SLC4A7: variants seen among roughly 807,000 people sequenced by gnomAD.
SLC4A7 encodes the protein sodium bicarbonate cotransporter 3.
In SLC4A7, 51 loss-of-function variants were observed where a neutral mutation model predicts 137.6. The ratio of observed to expected loss-of-function variants is 0.37; its 90% confidence interval spans 0.30 to 0.47. The LOEUF is 0.47. SLC4A7 is among the 20% of genes least tolerant of loss of function. The probability of loss-of-function intolerance (pLI) is 1.00; values close to 1 mark genes in which losing one functional copy is unlikely to be tolerated. For synonymous variants in SLC4A7, 542 were observed against 518.6 expected (o/e 1.05, Z -0.61); for missense variants, 1,247 against 1,525.4 (o/e 0.82, Z 3.04).
At chr3:27,455,570 A>ATT (rs780026916) in intron 1 of SLC4A7, among the ~76,000 whole-genome samples, 1,751 of 125,278 alleles carry the variant, frequency 0.014, 24 homozygotes, top group African/African-American at 0.035. Flanking sequence ...GCATAACTAA[A>ATT]TTTTTTTTTT....
chr3:27,414,336 A>G (rs1368893095), intron 11 of SLC4A7, among the ~76,000 whole-genome samples: 1 of 152,060 alleles, frequency 6.6e-6, no homozygotes, highest in African/African-American at 2.4e-5. Flanking sequence ...AGTTGGTACC[A>G]ACTCCCATGC....
At chr3:27,402,180 C>G (rs976984953) in intron 15 of SLC4A7, among the ~76,000 whole-genome samples, 13 of 152,164 alleles carry the variant, frequency 8.5e-5, no homozygotes, top group African/African-American at 3.1e-4. Context: ...ATATTTACGC[C>G]AAGCGTGACT....
At position 27,431,174 on chromosome 3, in the gene SLC4A7, A is replaced by C. The variant is rs2056240057; in HGVS notation, c.1150+124T>G. On this transcript the variant is annotated intron_variant, in intron 7 of 25. Coordinates refer to ENST00000454389, the MANE Select transcript of SLC4A7 (RefSeq NM_001321103.2). Reference sequence around the variant, plus strand: ...CTATCATAAAGAAAAAAAAACATGCAGAAGTCAAAATAAATTATAAGCATT... The same window carrying C: ...CTATCATAAAGAAAAAAAAACATGCCGAAGTCAAAATAAATTATAAGCATT... The C allele has an allele frequency of 2.9e-6, 3 of 1,030,298 alleles. No individual in the cohort carries two copies. The South Asian group carries it at 8.8e-5, about 30-fold the overall frequency. 63.8% of individuals were successfully genotyped at this position (1,030,298 alleles called of 1,614,324 possible). A position where few individuals can be genotyped will look rare whatever the true frequency, so the allele number is the denominator to read the frequency against.
chr3:27,482,599 C>T (rs566662701), intron 1 of SLC4A7, among the ~76,000 whole-genome samples: 1 of 152,030 alleles, frequency 6.6e-6, no homozygotes. Flanking sequence ...GGCAAAACCC[C>T]GTCTCTACTA....
At chr3:27,427,873 G>GA (rs1315564698) in intron 7 of SLC4A7, among the ~76,000 whole-genome samples, 3 of 152,164 alleles carry the variant, frequency 2.0e-5, no homozygotes, top group African/African-American at 4.8e-5. Flanking sequence ...AAACTCATGG[G>GA]AAAAAATGTA....
At chr3:27,477,483 G>A (rs576219774) in intron 1 of SLC4A7, among the ~76,000 whole-genome samples, 13 of 152,246 alleles carry the variant, frequency 8.5e-5, no homozygotes, top group Admixed American at 3.9e-4. Flanking sequence ...ACCACTGCTC[G>A]TCCCCTTCTC....
intron 1 of SLC4A7, among the ~76,000 whole-genome samples, chr3:27,454,232 G>A (rs915519455): frequency 1.1e-4 from 17 of 152,120 alleles, no homozygotes; most frequent in Non-Finnish European, 2.1e-4. Flanking sequence ...TTGGGAGGCC[G>A]AGGTTGGTGG....
chr3:27,383,505 C>G (rs1388850125), intron 23 of SLC4A7, among the ~76,000 whole-genome samples: 1 of 152,086 alleles, frequency 6.6e-6, no homozygotes, highest in South Asian at 2.1e-4. Context: ...GATTTAACTA[C>G]AATTTAACTA....
At chr3:27,462,128 A>AT (rs1286203896) in intron 1 of SLC4A7, among the ~76,000 whole-genome samples, 1 of 152,144 alleles carries the variant, frequency 6.6e-6, no homozygotes, top group Non-Finnish European at 1.5e-5. Context: ...CTTTCCATAA[A>AT]TTTTTTTAAA....
intron 3 of SLC4A7, among the ~76,000 whole-genome samples, chr3:27,443,359 T>C (rs537210177): frequency 6.6e-6 from 1 of 152,266 alleles, no homozygotes; most frequent in South Asian, 2.1e-4. Flanking sequence ...TTCTGCGGGA[T>C]GTGTATCGAA....
chr3:27,437,360 A>T, intron 4 of SLC4A7, 28 bp downstream of exon 4: 1 of 1,487,204 alleles, frequency 6.7e-7, no homozygotes, highest in Non-Finnish European at 9.0e-7. Context: ...TCAAAAAAAA[A>T]AAAGAGAGAG....
At chr3:27,377,400 G>GT (rs1375725249) in intron 25 of SLC4A7, among the ~76,000 whole-genome samples, 5 of 151,990 alleles carry the variant, frequency 3.3e-5, no homozygotes. Flanking sequence ...ATATATATAT[G>GT]TTTTTTTGAG....
chr3:27,385,269 C>T (rs1020692875), intron 23 of SLC4A7, among the ~76,000 whole-genome samples: 4 of 152,002 alleles, frequency 2.6e-5, no homozygotes, highest in South Asian at 2.1e-4. Flanking sequence ...TCTTATTAAC[C>T]GATACTATCG....
At chr3:27,402,625 G>A (rs1201450176) in intron 15 of SLC4A7, among the ~76,000 whole-genome samples, 1 of 152,000 alleles carries the variant, frequency 6.6e-6, no homozygotes, top group Non-Finnish European at 1.5e-5. Flanking sequence ...CTTGAACCTG[G>A]GAGGCAGAGG....
In SLC4A7 at chr3:27,431,859, G is replaced by C. The variant is rs538089728; in HGVS notation, c.779-190C>G. ...AGTCACTAAAAAGTTGGTTAAAACT[G>C]TAATTAGTTCTCAGAACACATAAAA... On this transcript the variant is annotated intron_variant, in intron 6 of 25. Transcript: ENST00000454389. Among the ~76,000 whole-genome samples, 11 of 152,244 alleles carry C rather than the reference G, an allele frequency of 7.2e-5. No homozygotes were observed. In the South Asian group the frequency reaches 2.3e-3, roughly 32 times the overall value.
chr3:27,383,753 T>C (rs1424291631), intron 23 of SLC4A7, among the ~76,000 whole-genome samples: 2 of 152,278 alleles, frequency 1.3e-5, no homozygotes, highest in East Asian at 3.9e-4. Flanking sequence ...GCCCCTCCAG[T>C]TATAACAATC....
chr3:27,412,657 G>T (rs893961622), intron 11 of SLC4A7, among the ~76,000 whole-genome samples: 36 of 152,076 alleles, frequency 2.4e-4, no homozygotes, highest in African/African-American at 8.2e-4. Context: ...TAGACTCCTA[G>T]GAAACAAAAA....
intron 1 of SLC4A7, among the ~76,000 whole-genome samples, chr3:27,463,405 C>A (rs1469372879): frequency 1.3e-5 from 2 of 150,838 alleles, no homozygotes; most frequent in African/African-American, 2.4e-5. Flanking sequence ...ACTCCAGCCT[C>A]GGCGACAGAG....
intron 7 of SLC4A7, among the ~76,000 whole-genome samples, chr3:27,427,982 T>C (rs2055831595): frequency 6.6e-6 from 1 of 152,146 alleles, no homozygotes; most frequent in Admixed American, 6.5e-5. Context: ...TAGTTCCTAA[T>C]TATTTATAAC....
Sources: allele counts gnomAD v4.1 joint callset (sites outside exome capture counted in the v4.1 genomes callset), GRCh38; gene constraint gnomAD v4.1.1; transcripts MANE v1.5; gene names NCBI Gene and HGNC (gene_info 2026-07-23, HGNC 2026-07-21).